The following NR2F1-AS1 variants were observed in gnomAD, a reference collection of about 807,000 sequenced individuals.
NR2F1-AS1 encodes the protein NR2F1 regulatory antisense RNA 1.
At chr5:93,505,835 TGACATGGCCTAGA>T (rs966244712) in intron 4 of NR2F1-AS1, among the ~76,000 whole-genome samples, 145 of 152,338 alleles carry the variant, frequency 9.5e-4, no homozygotes, top group African/African-American at 3.3e-3. Context: ...TGAAGGTCTC[TGACATGGCCTAGA>T]GACATGGCCT....
chr5:93,518,309 C>T (rs772724567), intron 4 of NR2F1-AS1, among the ~76,000 whole-genome samples: 5 of 152,066 alleles, frequency 3.3e-5, no homozygotes, highest in Non-Finnish European at 7.4e-5. Flanking sequence ...CAATGAACTG[C>T]TCTTTTTCAA....
intron 4 of NR2F1-AS1, among the ~76,000 whole-genome samples, chr5:93,470,768 A>G (rs1750349310): frequency 6.6e-6 from 1 of 151,938 alleles, no homozygotes; most frequent in Non-Finnish European, 1.5e-5. Context: ...ATTAGATATT[A>G]TCATGTTAGC....
At chr5:93,507,421 G>T (rs905739805) in intron 4 of NR2F1-AS1, among the ~76,000 whole-genome samples, 1 of 152,028 alleles carries the variant, frequency 6.6e-6, no homozygotes, top group East Asian at 1.9e-4. Flanking sequence ...GCAATGGCAC[G>T]ATCTCGGCTC....
intron 4 of NR2F1-AS1, among the ~76,000 whole-genome samples, chr5:93,519,699 T>C (rs1751465650): frequency 6.6e-6 from 1 of 152,060 alleles, no homozygotes; most frequent in Non-Finnish European, 1.5e-5. Context: ...TGCCCAGTAA[T>C]TCTTAATGTT....
intron 4 of NR2F1-AS1, among the ~76,000 whole-genome samples, chr5:93,497,567 G>C (rs1318490101): frequency 1.3e-5 from 2 of 152,126 alleles, no homozygotes; most frequent in Non-Finnish European, 2.9e-5. Flanking sequence ...ACAACTACAG[G>C]ACCTGGAATT....
In NR2F1-AS1 at chr5:93,574,244, C is replaced by T. The variant is rs561002428; in HGVS notation, n.313+6223G>A. Reference sequence around the variant, plus strand: ...CCGATATCTGGGGGCTGGGATGGCCCCCGGGGGAGGAGGCACCCGACTGGG... The same window carrying T: ...CCGATATCTGGGGGCTGGGATGGCCTCCGGGGGAGGAGGCACCCGACTGGG... On this transcript the variant is annotated intron_variant and non_coding_transcript_variant, in intron 1 of 5. Coordinates refer to ENST00000660523, the Ensembl canonical transcript of NR2F1-AS1. 2.6e-5 allele frequency among the ~76,000 whole-genome samples: 4 copies of T among 152,296 alleles called. No homozygotes were observed. In the South Asian group the frequency reaches 8.3e-4, roughly 32 times the overall value.
chr5:93,476,855 A>G (rs1750496620), intron 4 of NR2F1-AS1, among the ~76,000 whole-genome samples: 1 of 152,156 alleles, frequency 6.6e-6, no homozygotes, highest in African/African-American at 2.4e-5. Context: ...ACATTTCTTA[A>G]TAAGAATCTT....
chr5:93,498,464 A>T (rs943369741), intron 4 of NR2F1-AS1, among the ~76,000 whole-genome samples: 1 of 152,148 alleles, frequency 6.6e-6, no homozygotes, highest in African/African-American at 2.4e-5. Context: ...TCAAAGTTGC[A>T]AGTAAATGTG....
intron 4 of NR2F1-AS1, among the ~76,000 whole-genome samples, chr5:93,521,275 A>C (rs1751496748): frequency 6.6e-6 from 1 of 152,208 alleles, no homozygotes; most frequent in Non-Finnish European, 1.5e-5. Flanking sequence ...CCTGTAAGAC[A>C]ATCTAGGCAA....
intron 4 of NR2F1-AS1, among the ~76,000 whole-genome samples, chr5:93,513,460 A>G (rs1484946754): frequency 1.3e-5 from 2 of 152,216 alleles, no homozygotes; most frequent in Non-Finnish European, 2.9e-5. Flanking sequence ...TGGTATATAC[A>G]TACCATGGAA....
At chr5:93,584,101 C>T (rs1753178356), upstream of NR2F1-AS1, 1 of 151,230 alleles carries the variant, frequency 6.6e-6, no homozygotes, top group African/African-American at 2.4e-5. Flanking sequence ...CGCCCAGCGC[C>T]CTGCTCGGCT....
chr5:93,560,158 A>G (rs972458568), intron 2 of NR2F1-AS1, among the ~76,000 whole-genome samples: 1 of 152,230 alleles, frequency 6.6e-6, no homozygotes, highest in Non-Finnish European at 1.5e-5. Context: ...TAGATGATAT[A>G]TGAAATGTGC....
rs1195456445 is a variant in NR2F1-AS1 at position 93,528,864 on chromosome 5, C to G, written n.638+24897G>C. On this transcript the variant is annotated intron_variant and non_coding_transcript_variant, in intron 4 of 5. Coordinates refer to ENST00000660523, the Ensembl canonical transcript of NR2F1-AS1. ...ATTGAACAATGAGAACACATGGACA[C>G]ATGGAGGGGAACATCATACAGCAGG... is the stretch of plus-strand genomic sequence containing the variant. Among the ~76,000 whole-genome samples, 5 of 146,124 alleles carry G rather than the reference C, an allele frequency of 3.4e-5. No individual in the cohort carries two copies. The South Asian group carries it at 1.1e-3, about 32-fold the overall frequency.
intron 4 of NR2F1-AS1, among the ~76,000 whole-genome samples, chr5:93,481,689 T>A (rs1750603371): frequency 1.3e-5 from 2 of 152,028 alleles, no homozygotes; most frequent in Non-Finnish European, 2.9e-5. Context: ...CTTCAAAATA[T>A]ATAAATCACA....
chr5:93,473,665 T>C (rs1015869215), intron 4 of NR2F1-AS1, among the ~76,000 whole-genome samples: 1 of 151,138 alleles, frequency 6.6e-6, no homozygotes, highest in Non-Finnish European at 1.5e-5. Flanking sequence ...AAGAATGCTA[T>C]AGTATATTCC....
intron 4 of NR2F1-AS1, among the ~76,000 whole-genome samples, chr5:93,471,413 T>C (rs1472717123): frequency 1.3e-5 from 2 of 151,900 alleles, no homozygotes; most frequent in South Asian, 2.1e-4. Context: ...CATTATTTAC[T>C]GGACAAGGAA....
chr5:93,576,514 T>C (rs1399017234), intron 1 of NR2F1-AS1, among the ~76,000 whole-genome samples: 1 of 151,968 alleles, frequency 6.6e-6, no homozygotes, highest in Non-Finnish European at 1.5e-5. Flanking sequence ...ATCTTTCCAC[T>C]GACAGTTTAG....
intron 4 of NR2F1-AS1, among the ~76,000 whole-genome samples, chr5:93,493,278 T>A (rs1278709360): frequency 3.3e-5 from 5 of 151,808 alleles, no homozygotes; most frequent in Non-Finnish European, 5.9e-5. Flanking sequence ...TAAAAACAAT[T>A]CCATTTACAA....
upstream of NR2F1-AS1, among the ~76,000 whole-genome samples, chr5:93,582,320 A>ATT (rs749194710): frequency 6.6e-6 from 1 of 151,824 alleles, no homozygotes; most frequent in East Asian, 1.9e-4. Context: ...TGGAAAGTTT[A>ATT]TTTTTAAAAT....
Sources: gnomAD v4.1 joint callset for allele counts (sites outside exome capture counted in the v4.1 genomes callset) on GRCh38, gnomAD v4.1.1 for gene constraint, MANE v1.5 for transcripts, NCBI Gene and HGNC (gene_info 2026-07-23, HGNC 2026-07-21) for gene names.